Variants in MEIS1 observed in about 807,000 individuals in gnomAD.
MEIS1 encodes Meis homeobox 1, also known as homeobox protein Meis1.
Under a neutral mutation model 50.8 loss-of-function variants are expected in MEIS1, and 5 were observed. That is an observed-to-expected ratio of 0.10 (90% CI 0.05 to 0.21). The LOEUF (loss-of-function observed/expected upper bound fraction) is 0.21. Among genes scored for constraint, MEIS1 ranks in the 10% least tolerant of loss-of-function variants. MEIS1 has a pLI of 1.00. For missense variants in MEIS1, 318 were observed against 517.3 expected (o/e 0.61, Z 3.74); for synonymous variants, 176 against 179.3 (o/e 0.98, Z 0.15).
chr2:66,473,397 A>AAAAAT, intron 7 of MEIS1, among the ~76,000 whole-genome samples: 2 of 107,612 alleles, frequency 1.9e-5, no homozygotes, highest in African/African-American at 5.8e-5. Flanking sequence ...AAAAAAAAAA[A>AAAAAT]ATATATATAT....
chr2:66,532,522 G>A (rs1307444614), intron 8 of MEIS1, among the ~76,000 whole-genome samples: 1 of 151,842 alleles, frequency 6.6e-6, no homozygotes, highest in African/African-American at 2.4e-5. Context: ...GGTTTCCACT[G>A]CATAAAATGT....
intron 7 of MEIS1, among the ~76,000 whole-genome samples, chr2:66,467,368 A>AG (rs1426106360): frequency 2.7e-4 from 29 of 105,904 alleles, no homozygotes; most frequent in East Asian, 2.5e-3. Flanking sequence ...AGGCCGAGGT[A>AG]GGGGGGGGTC....
intron 7 of MEIS1, among the ~76,000 whole-genome samples, chr2:66,471,713 ATCT>A (rs1672764883): frequency 6.6e-6 from 1 of 152,238 alleles, no homozygotes; most frequent in African/African-American, 2.4e-5. Context: ...TTTAAAAAGT[ATCT>A]TCTTTTCAGT....
At chr2:66,466,501 A>C (rs984433248) in intron 7 of MEIS1, among the ~76,000 whole-genome samples, 12 of 152,242 alleles carry the variant, frequency 7.9e-5, no homozygotes, top group African/African-American at 2.4e-4. Flanking sequence ...TTCCATGCCA[A>C]CCGTCACCCT....
intron 7 of MEIS1, among the ~76,000 whole-genome samples, chr2:66,487,088 C>G (rs898796313): frequency 6.6e-6 from 1 of 152,194 alleles, no homozygotes; most frequent in East Asian, 1.9e-4. Flanking sequence ...CCCTTTATTT[C>G]TTTCTCTTGC....
Position 66,443,186 on chromosome 2 carries a change from T to A in MEIS1, c.630+138T>A, listed in dbSNP as rs7575667. On this transcript the variant is annotated intron_variant, in intron 6 of 12. Transcript: ENST00000272369. ...AGATACATTTCCATCGAAATGAAAA[T>A]TTTTGAATAATGTGGCTATTATTGC... 2.4e-3 allele frequency: 2,523 copies of A among 1,045,660 alleles called. 48 individuals carry two copies. The African/African-American group carries it at 0.039, about 16-fold the overall frequency. The allele number at this position is 1,045,660 out of a possible 1,614,324, so 64.8% of individuals were successfully genotyped here. A position where few individuals can be genotyped will look rare whatever the true frequency, so the allele number is the denominator to read the frequency against.
chr2:66,442,522 C>T (rs1672020304), intron 5 of MEIS1, among the ~76,000 whole-genome samples: 1 of 152,070 alleles, frequency 6.6e-6, no homozygotes, highest in Non-Finnish European at 1.5e-5. Context: ...CACACGTATA[C>T]ATTTTTTTCT....
At chr2:66,457,777 T>C (rs1558525709) in intron 6 of MEIS1, among the ~76,000 whole-genome samples, 1 of 152,198 alleles carries the variant, frequency 6.6e-6, no homozygotes, top group Admixed American at 6.5e-5. Context: ...GGCACATACA[T>C]ACGGACATGG....
chr2:66,439,486 G>C (rs1671894693), intron 2 of MEIS1: 12 of 1,415,540 alleles, frequency 8.5e-6, no homozygotes, highest in Non-Finnish European at 1.1e-5. Flanking sequence ...ACCGGATCCT[G>C]GATGTGCAGT....
At chr2:66,504,421 A>C (rs1673638595) in intron 7 of MEIS1, among the ~76,000 whole-genome samples, 1 of 151,814 alleles carries the variant, frequency 6.6e-6, no homozygotes, top group Non-Finnish European at 1.5e-5. Flanking sequence ...TTTTTAGTGG[A>C]GATGGGCTTT....
At chr2:66,491,568 G>A (rs994901445) in intron 7 of MEIS1, among the ~76,000 whole-genome samples, 1 of 152,126 alleles carries the variant, frequency 6.6e-6, no homozygotes, top group Non-Finnish European at 1.5e-5. Context: ...CATTGTTTAC[G>A]CTGTTTCCAC....
At chr2:66,444,043 G>A (rs1279847926) in intron 6 of MEIS1, among the ~76,000 whole-genome samples, 1 of 152,188 alleles carries the variant, frequency 6.6e-6, no homozygotes, top group Non-Finnish European at 1.5e-5. Context: ...TGGTCCAAAG[G>A]AGTTGCAAAA....
chr2:66,568,815 A>C, intron 11 of MEIS1, 59 bp downstream of exon 11: 2 of 1,432,852 alleles, frequency 1.4e-6, no homozygotes, highest in Non-Finnish European at 2.0e-6. Flanking sequence ...TCATCCCCTC[A>C]TCAACACAGG....
At chr2:66,469,364 C>T (rs560620543) in intron 7 of MEIS1, among the ~76,000 whole-genome samples, 10 of 152,098 alleles carry the variant, frequency 6.6e-5, no homozygotes, top group African/African-American at 2.4e-4. Flanking sequence ...GAAGGCAATT[C>T]CATTTATTAT....
intron 12 of MEIS1, chr2:66,569,476 G>A (rs2066927): frequency 0.97 from 160,110 of 165,132 alleles, 77,740 homozygotes; most frequent in Admixed American, 0.99. Context: ...CAAGGAGAGG[G>A]AAGAGCATGT....
chr2:66,486,491 G>A (rs534335028), intron 7 of MEIS1, among the ~76,000 whole-genome samples: 1 of 152,288 alleles, frequency 6.6e-6, no homozygotes, highest in African/African-American at 2.4e-5. Flanking sequence ...TGCTGTTTTG[G>A]TTACTGTAGC....
intron 9 of MEIS1, among the ~76,000 whole-genome samples, chr2:66,554,646 G>A (rs963685181): frequency 5.3e-5 from 8 of 152,202 alleles, no homozygotes; most frequent in African/African-American, 1.9e-4. Flanking sequence ...CAAGTAGGAC[G>A]AATTAGTCAG....
intron 8 of MEIS1, among the ~76,000 whole-genome samples, chr2:66,546,066 G>A (rs1244402574): frequency 2.6e-5 from 4 of 152,164 alleles, no homozygotes; most frequent in Non-Finnish European, 5.9e-5. Flanking sequence ...GGGTTTATTA[G>A]CATTGGTAGA....
At chr2:66,557,610 G>A (rs1366955199) in intron 9 of MEIS1, among the ~76,000 whole-genome samples, 1 of 152,162 alleles carries the variant, frequency 6.6e-6, no homozygotes, top group African/African-American at 2.4e-5. Flanking sequence ...TGTATTATCA[G>A]CACTTCATTC....
Sources: gnomAD v4.1 joint callset for allele counts (sites outside exome capture counted in the v4.1 genomes callset) on GRCh38, gnomAD v4.1.1 for gene constraint, MANE v1.5 for transcripts, NCBI Gene and HGNC (gene_info 2026-07-23, HGNC 2026-07-21) for gene names.